Variants in METTL15 observed in about 807,000 individuals in gnomAD.
METTL15 encodes methyltransferase 15, mitochondrial 12S rRNA N4-cytidine, also known as 12S rRNA N(4)-cytidine methyltransferase METTL15.
Under a neutral mutation model 38.3 loss-of-function variants are expected in METTL15, and 34 were observed. The observed-to-expected ratio is 0.89, with a 90% CI of 0.68 to 1.18. METTL15 has a LOEUF of 1.18. METTL15 is among the 50% of genes most tolerant of loss of function. METTL15 has a pLI of 0.00. For synonymous variants in METTL15, 162 were observed against 170.9 expected, an observed-to-expected ratio of 0.95 and a Z score of 0.41; for missense variants, 438 against 498.4, an observed-to-expected ratio of 0.88 and a Z score of 1.15.
intron 5 of METTL15, among the ~76,000 whole-genome samples, chr11:28,408,783 T>G (rs1464817119): frequency 6.6e-6 from 1 of 152,150 alleles, no homozygotes; most frequent in Non-Finnish European, 1.5e-5. Context: ...CACACACATG[T>G]ACATATATAT....
rs1169995577 is a variant in METTL15, at chr11:28,331,777, A to T, written c.*936A>T. On this transcript the variant is annotated 3_prime_UTR_variant, in exon 7 of 7. Transcript: ENST00000407364. ...TTTAACAAATTGAGGAGATTGATTC[A>T]TAATTCACATGTCAATTTTTTATAG... 1 of 152,082 alleles carries T rather than the reference A, an allele frequency of 6.6e-6. No individual in the cohort carries two copies. Among genetic ancestry groups the T allele is most frequent in the Non-Finnish European group, 1.5e-5 (1 of 68,028 alleles). The allele number at this position is 152,082 out of a possible 1,614,324, so 9.4% of individuals were successfully genotyped here. A position where few individuals can be genotyped will look rare whatever the true frequency, so the allele number is the denominator to read the frequency against.
At chr11:28,259,281 CCCTCT>C (rs1855101242) in intron 4 of METTL15, among the ~76,000 whole-genome samples, 1 of 151,972 alleles carries the variant, frequency 6.6e-6, no homozygotes, top group African/African-American at 2.4e-5. Context: ...ATTTGTCCTG[CCCTCT>C]CCTCAAGCAG....
At chr11:28,431,789 T>TA (rs1564929855) in intron 6 of METTL15, among the ~76,000 whole-genome samples, 19 of 9,942 alleles carry the variant, frequency 1.9e-3, no homozygotes, top group South Asian at 9.3e-3. Flanking sequence ...AAAAATAAAT[T>TA]TAAAAAAAAA....
intron 6 of METTL15, among the ~76,000 whole-genome samples, chr11:28,472,891 A>T (rs1851314569): frequency 6.6e-6 from 1 of 152,164 alleles, no homozygotes; most frequent in African/African-American, 2.4e-5. Flanking sequence ...TCAGTAGAAA[A>T]TGTAATTCCT....
At chr11:28,501,790 G>C (rs1048460523) in intron 6 of METTL15, among the ~76,000 whole-genome samples, 23 of 152,052 alleles carry the variant, frequency 1.5e-4, no homozygotes, top group African/African-American at 5.6e-4. Context: ...AACCCTGAGG[G>C]TACCATGTGC....
chr11:28,265,683 A>G (rs1565210833), intron 4 of METTL15, among the ~76,000 whole-genome samples: 1 of 152,136 alleles, frequency 6.6e-6, no homozygotes, highest in Non-Finnish European at 1.5e-5. Flanking sequence ...CTCTTAGTGA[A>G]GTCATCAAGT....
At chr11:28,417,070 C>G (rs1213551099) in intron 5 of METTL15, among the ~76,000 whole-genome samples, 1 of 152,160 alleles carries the variant, frequency 6.6e-6, no homozygotes, top group African/African-American at 2.4e-5. Context: ...ATTTGGAGAA[C>G]TCTGTTGTAA....
chr11:28,249,365 A>G (rs1854642143), intron 4 of METTL15, among the ~76,000 whole-genome samples: 2 of 152,016 alleles, frequency 1.3e-5, no homozygotes, highest in Admixed American at 1.3e-4. Flanking sequence ...GATAATGAAG[A>G]TGATTATTGC....
intron 4 of METTL15, among the ~76,000 whole-genome samples, chr11:28,285,341 A>G (rs1168893931): frequency 6.6e-6 from 1 of 150,980 alleles, no homozygotes; most frequent in African/African-American, 2.4e-5. Flanking sequence ...AAATTTATAA[A>G]CTTTCTTAAA....
intron 6 of METTL15, among the ~76,000 whole-genome samples, chr11:28,485,518 G>C (rs796670134): frequency 3.3e-5 from 5 of 152,222 alleles, no homozygotes; most frequent in African/African-American, 1.2e-4. Flanking sequence ...TAAAGTGAGG[G>C]GCAGAGAGAG....
At chr11:28,180,340 G>A (rs2133781254) in intron 3 of METTL15, among the ~76,000 whole-genome samples, 1 of 151,958 alleles carries the variant, frequency 6.6e-6, no homozygotes, top group South Asian at 2.1e-4. Context: ...GGATTCAGCA[G>A]AAGCGAATTA....
At chr11:28,490,157 A>C (rs1211311985) in intron 6 of METTL15, among the ~76,000 whole-genome samples, 1 of 152,140 alleles carries the variant, frequency 6.6e-6, no homozygotes, top group Admixed American at 6.5e-5. Context: ...ATGGCTGAGA[A>C]AGATTTTTGA....
chr11:28,430,512 C>G (rs1400109239), intron 6 of METTL15, among the ~76,000 whole-genome samples: 1 of 32,098 alleles, frequency 3.1e-5, no homozygotes, highest in Non-Finnish European at 7.2e-5. Context: ...GGGGGTCAGC[C>G]CCCCACCCGG....
intron 3 of METTL15, among the ~76,000 whole-genome samples, chr11:28,183,312 C>G (rs7114829): frequency 1 from 151,808 of 152,234 alleles, 75,692 homozygotes; most frequent in Non-Finnish European, 1. Context: ...GGAGTGGTGA[C>G]AGAGGGCATC....
At chr11:28,333,712 ACTATAT>A (rs1017037561), downstream of METTL15, among the ~76,000 whole-genome samples, 6 of 151,956 alleles carry the variant, frequency 3.9e-5, no homozygotes, top group African/African-American at 1.2e-4. Context: ...CTTGAAAGAC[ACTATAT>A]CTATATGTCT....
At chr11:28,430,745 T>C (rs1386040656) in intron 6 of METTL15, among the ~76,000 whole-genome samples, 19 of 82,296 alleles carry the variant, frequency 2.3e-4, no homozygotes, top group South Asian at 5.2e-4. Flanking sequence ...GCCCTCCGCC[T>C]GGCCAGCCGC....
At chr11:28,199,914 T>C (rs1201111483) in intron 3 of METTL15, among the ~76,000 whole-genome samples, 1 of 151,946 alleles carries the variant, frequency 6.6e-6, no homozygotes, top group Non-Finnish European at 1.5e-5. Flanking sequence ...GGGTAATTTT[T>C]TGTATTTTTA....
In METTL15 at chr11:28,353,473, G is replaced by A. The variant is rs189113687; in HGVS notation, c.*258+1315G>A. Among the ~76,000 whole-genome samples the A allele has an allele frequency of 3.8e-3, 583 of 152,268 alleles. 5 individuals carry two copies. Among genetic ancestry groups the A allele is most frequent in the African/African-American group, 0.013 (549 of 41,546 alleles). ...CTCTAACAGAGGCTCATATGATTAT[G>A]TCTGTTAGAGGAAGTGTCAAAACAA... On this transcript the variant is annotated intron_variant and NMD_transcript_variant, in intron 4 of 7. Coordinates refer to the METTL15 transcript ENST00000532947.
At chr11:28,436,046 G>C (rs1003597695) in intron 6 of METTL15, among the ~76,000 whole-genome samples, 3 of 152,168 alleles carry the variant, frequency 2.0e-5, no homozygotes, top group South Asian at 4.1e-4. Flanking sequence ...ATCAAATACA[G>C]TCAATAAGAG....
Sources: allele counts gnomAD v4.1 joint callset (sites outside exome capture counted in the v4.1 genomes callset), GRCh38; gene constraint gnomAD v4.1.1; transcripts MANE v1.5; gene names NCBI Gene and HGNC (gene_info 2026-07-23, HGNC 2026-07-21).